RALB: variants seen among roughly 807,000 people sequenced by gnomAD.
RALB encodes the protein RAS like proto-oncogene B, also known as ras-related protein Ral-B.
A neutral mutation model predicts 21.3 loss-of-function variants in RALB; 16 were observed. The ratio of observed to expected loss-of-function variants is 0.75; its 90% CI spans 0.51 to 1.14. RALB has a LOEUF of 1.14. Ranked by LOEUF, RALB falls within the 50% of genes most tolerant of loss-of-function variation. The pLI, the probability that RALB is intolerant of heterozygous loss-of-function variation, is 0.00. For missense variants in RALB, 161 were observed against 256.2 expected, an observed-to-expected ratio of 0.63 and a Z score of 2.54; for synonymous variants, 93 against 96.1, an observed-to-expected ratio of 0.97 and a Z score of 0.19.
At chr2:120,249,605 G>A (rs1005657601), upstream of RALB, among the ~76,000 whole-genome samples, 1 of 151,478 alleles carries the variant, frequency 6.6e-6, no homozygotes, top group Non-Finnish European at 1.5e-5. Flanking sequence ...CTCAGAGCAA[G>A]AACTCACTCA....
At chr2:120,249,688 C>A (rs1013794912), upstream of RALB, among the ~76,000 whole-genome samples, 2 of 152,218 alleles carry the variant, frequency 1.3e-5, no homozygotes, top group South Asian at 2.1e-4. Context: ...CACCAGGCCC[C>A]GCCTCCAACA....
chr2:120,287,996 A>T (rs985332921), intron 3 of RALB, among the ~76,000 whole-genome samples: 2 of 152,230 alleles, frequency 1.3e-5, no homozygotes, highest in African/African-American at 4.8e-5. Flanking sequence ...TGACATGTGA[A>T]TATGCTGTCT....
intron 3 of RALB, among the ~76,000 whole-genome samples, chr2:120,288,318 TA>T (rs1282605147): frequency 1.3e-5 from 2 of 151,332 alleles, no homozygotes; most frequent in Non-Finnish European, 1.5e-5. Flanking sequence ...GTCTGGCACT[TA>T]AATTGACTAC....
chr2:120,263,116 A>G (rs996124893), intron 1 of RALB, among the ~76,000 whole-genome samples: 9 of 152,192 alleles, frequency 5.9e-5, no homozygotes, highest in African/African-American at 1.7e-4. Context: ...ACTTTACCAT[A>G]TATTTGGCTC....
chr2:120,251,093 G>A (rs1689046394), upstream of RALB, among the ~76,000 whole-genome samples: 1 of 152,236 alleles, frequency 6.6e-6, no homozygotes, highest in Non-Finnish European at 1.5e-5. Context: ...GGTCCTAGGG[G>A]ATGGGGGGCA....
At chr2:120,269,658 T>C (rs1278678508) in intron 1 of RALB, among the ~76,000 whole-genome samples, 3 of 152,216 alleles carry the variant, frequency 2.0e-5, no homozygotes, top group Non-Finnish European at 4.4e-5. Context: ...AATCCTCTTG[T>C]AAGACAGAAA....
chr2:120,259,964 T>C (rs904732181), intron 1 of RALB, among the ~76,000 whole-genome samples: 7 of 152,202 alleles, frequency 4.6e-5, no homozygotes, highest in Non-Finnish European at 8.8e-5. Context: ...GCTGGGGGAC[T>C]CAGTACACCC....
chr2:120,250,822 T>C (rs1282962750), upstream of RALB, among the ~76,000 whole-genome samples: 3 of 152,192 alleles, frequency 2.0e-5, no homozygotes, highest in Admixed American at 2.0e-4. Flanking sequence ...GTTTCCCCTA[T>C]TGGTGTCCTG....
At chr2:120,271,354 A>G (rs949027423) in intron 1 of RALB, among the ~76,000 whole-genome samples, 4 of 152,238 alleles carry the variant, frequency 2.6e-5, no homozygotes, top group African/African-American at 4.8e-5. Flanking sequence ...ATAACATTAC[A>G]TAGAAAAACC....
intron 1 of RALB, among the ~76,000 whole-genome samples, chr2:120,255,254 C>T (rs894097067): frequency 2.0e-5 from 3 of 151,054 alleles, no homozygotes; most frequent in East Asian, 3.8e-4. Context: ...ACATGCAAGA[C>T]GCTTGGTTTT....
intron 1 of RALB, among the ~76,000 whole-genome samples, chr2:120,266,550 A>T (rs977552836): frequency 1.6e-4 from 24 of 151,964 alleles, no homozygotes; most frequent in Admixed American, 7.9e-4. Flanking sequence ...CCCTGCCAAA[A>T]TTTTTTTTAA....
At chr2:120,240,446 G>A (rs1688875693) in intron 1 of RALB, among the ~76,000 whole-genome samples, 1 of 143,252 alleles carries the variant, frequency 7.0e-6, no homozygotes, top group Non-Finnish European at 1.5e-5. Flanking sequence ...CACCACATCT[G>A]GCTATTTTTT....
At chr2:120,289,288 G>A (rs1038758538) in intron 3 of RALB, among the ~76,000 whole-genome samples, 6 of 131,858 alleles carry the variant, frequency 4.6e-5, no homozygotes, top group Non-Finnish European at 7.9e-5. Flanking sequence ...CTGTTGTGAC[G>A]TAAAATCCTG....
chr2:120,252,742 C>T, upstream of RALB: 1 of 975,156 alleles, frequency 1.0e-6, no homozygotes, highest in Admixed American at 6.1e-5. Flanking sequence ...GATTGGCTGA[C>T]AGCCCCCCGA....
chr2:120,276,552 G>A (rs549849426), intron 1 of RALB, among the ~76,000 whole-genome samples: 8 of 151,842 alleles, frequency 5.3e-5, no homozygotes, highest in South Asian at 2.1e-4. Flanking sequence ...GCAGTGAGCC[G>A]AGATCGTTCC....
At chr2:120,268,230 G>A (rs1051953178) in intron 1 of RALB, among the ~76,000 whole-genome samples, 2 of 152,218 alleles carry the variant, frequency 1.3e-5, no homozygotes, top group African/African-American at 4.8e-5. Context: ...AGCATGTGGC[G>A]AGAATCACAG....
intron 3 of RALB, 26 bp from the exon 4 acceptor site, chr2:120,289,554 G>T: frequency 6.2e-7 from 1 of 1,603,788 alleles, no homozygotes; most frequent in South Asian, 1.1e-5. Context: ...TTTTTTAGCT[G>T]CTGTATTTTT....
chr2:120,270,391 G>A (rs1479081696), intron 1 of RALB, among the ~76,000 whole-genome samples: 1 of 152,148 alleles, frequency 6.6e-6, no homozygotes, highest in African/African-American at 2.4e-5. Flanking sequence ...TATCACAAAT[G>A]TAGTTTAAAG....
intron 2 of RALB, among the ~76,000 whole-genome samples, chr2:120,285,281 C>T (rs1690102747): frequency 6.6e-6 from 1 of 152,186 alleles, no homozygotes; most frequent in African/African-American, 2.4e-5. Context: ...CCCCCATGAT[C>T]TCATTGTCTC....
Sources: gnomAD v4.1 joint callset for allele counts (sites outside exome capture counted in the v4.1 genomes callset) on GRCh38, gnomAD v4.1.1 for gene constraint, MANE v1.5 for transcripts, NCBI Gene and HGNC (gene_info 2026-07-23, HGNC 2026-07-21) for gene names.